The following DNAJC3 variants were observed in gnomAD, a reference collection of about 807,000 sequenced individuals.
DNAJC3 encodes DnaJ heat shock protein family (Hsp40) member C3, also known as dnaJ homolog subfamily C member 3.
A neutral mutation model predicts 68.6 loss-of-function variants in DNAJC3; 38 were observed. The observed-to-expected ratio is 0.55, with a 90% CI of 0.43 to 0.73. The LOEUF (loss-of-function observed/expected upper bound fraction) is 0.73, where lower values mean the gene tolerates loss of function less well. Among genes scored for constraint, DNAJC3 ranks in the 30% least tolerant of loss-of-function variants. The pLI is 0.00. For missense variants in DNAJC3, 526 were observed against 591.9 expected (o/e 0.89, Z 1.16); for synonymous variants, 203 against 204.0 (o/e 1.00, Z 0.04).
At chr13:95,735,814 T>TCAGCAAAAG (rs1461615124) in intron 4 of DNAJC3, among the ~76,000 whole-genome samples, 1 of 152,202 alleles carries the variant, frequency 6.6e-6, no homozygotes, top group African/African-American at 2.4e-5. Context: ...GTGCAGAAGC[T>TCAGCAAAAG]CTTTAGTTTA....
intron 9 of DNAJC3, among the ~76,000 whole-genome samples, chr13:95,782,118 T>A (rs1450809392): frequency 1.3e-5 from 2 of 152,218 alleles, no homozygotes; most frequent in Non-Finnish European, 2.9e-5. Context: ...TCCATGTTCC[T>A]GTGAAGGACT....
Position 95,697,786 on chromosome 13 carries a change from G to GTTT in DNAJC3, c.83-11422_83-11420dup, listed in dbSNP as rs35414850. Among the ~76,000 whole-genome samples, 331 of 112,284 alleles carry GTTT rather than the reference G, an allele frequency of 2.9e-3. 2 individuals carry two copies. Among genetic ancestry groups the GTTT allele is most frequent in the African/African-American group, 0.011 (316 of 28,780 alleles). The allele number at this position is 112,284 out of a possible 152,430, so 73.7% of individuals were successfully genotyped here. ...AATTTAAAAGACCAGCCTTCAAGAA[G>GTTT]TTTTTTTTTTTTTTTTTTTTTAAAG... On this transcript the variant is annotated intron_variant, in intron 1 of 11. Transcript: ENST00000602402.
chr13:95,750,220 A>G (rs150462587), intron 4 of DNAJC3, among the ~76,000 whole-genome samples: 2 of 149,942 alleles, frequency 1.3e-5, no homozygotes, highest in African/African-American at 4.9e-5. Flanking sequence ...CTCTTCAATA[A>G]ATGGCTGCAC....
intron 1 of DNAJC3, among the ~76,000 whole-genome samples, chr13:95,689,325 T>G (rs1446009214): frequency 1.3e-5 from 2 of 151,896 alleles, no homozygotes; most frequent in Admixed American, 6.6e-5. Context: ...GGTTAAATCT[T>G]GGGAGGTTGT....
intron 7 of DNAJC3, among the ~76,000 whole-genome samples, chr13:95,761,689 TA>T (rs1882826050): frequency 6.6e-6 from 1 of 152,184 alleles, no homozygotes; most frequent in Non-Finnish European, 1.5e-5. Context: ...TGGCAACCAC[TA>T]ATCTATTCAC....
At chr13:95,740,130 C>CG (rs1566493359) in intron 4 of DNAJC3, among the ~76,000 whole-genome samples, 1 of 152,160 alleles carries the variant, frequency 6.6e-6, no homozygotes, top group Non-Finnish European at 1.5e-5. Flanking sequence ...GCTCGGGGGT[C>CG]GGGGTCAGGG....
intron 2 of DNAJC3, among the ~76,000 whole-genome samples, chr13:95,711,103 A>T (rs1237577265): frequency 6.6e-6 from 1 of 152,178 alleles, no homozygotes; most frequent in African/African-American, 2.4e-5. Flanking sequence ...ACTTTTCTTT[A>T]TGCTTTTTCT....
intron 1 of DNAJC3, among the ~76,000 whole-genome samples, chr13:95,701,638 A>G (rs1880588384): frequency 6.6e-6 from 1 of 152,204 alleles, no homozygotes; most frequent in African/African-American, 2.4e-5. Flanking sequence ...TGTTTGAGGT[A>G]TACATATGAA....
At chr13:95,739,840 T>C (rs907887713) in intron 4 of DNAJC3, among the ~76,000 whole-genome samples, 1 of 152,228 alleles carries the variant, frequency 6.6e-6, no homozygotes, top group African/African-American at 2.4e-5. Flanking sequence ...TCCAGCTTTG[T>C]TCTGTTGCTG....
intron 1 of DNAJC3, among the ~76,000 whole-genome samples, chr13:95,688,961 T>C (rs766431234): frequency 9.5e-5 from 14 of 147,588 alleles, no homozygotes; most frequent in Non-Finnish European, 1.2e-4. Flanking sequence ...TGTGTGTGTG[T>C]GTGTGCGCGC....
At chr13:95,723,394 G>T in intron 3 of DNAJC3, 28 bp downstream of exon 3, 1 of 1,600,210 alleles carries the variant, frequency 6.2e-7, no homozygotes. Context: ...TTCTTTAAAG[G>T]GGAACTTAAC....
At chr13:95,737,375 G>A (rs530597388) in intron 4 of DNAJC3, among the ~76,000 whole-genome samples, 1,956 of 152,054 alleles carry the variant, frequency 0.013, 50 homozygotes, top group African/African-American at 0.045. Context: ...TCTATTGATT[G>A]GAATAGTTTC....
chr13:95,687,577 A>G (rs999413101), intron 1 of DNAJC3, among the ~76,000 whole-genome samples: 9 of 152,088 alleles, frequency 5.9e-5, no homozygotes, highest in Admixed American at 5.9e-4. Flanking sequence ...CAGTTTATCA[A>G]TTTTGCTCAT....
intron 4 of DNAJC3, among the ~76,000 whole-genome samples, chr13:95,733,882 A>G (rs563541846): frequency 6.6e-6 from 1 of 152,160 alleles, no homozygotes; most frequent in Non-Finnish European, 1.5e-5. Context: ...AGTGCCATAT[A>G]GTTAGATCCA....
intron 2 of DNAJC3, among the ~76,000 whole-genome samples, chr13:95,712,480 G>T (rs373757028): frequency 6.6e-6 from 1 of 151,156 alleles, no homozygotes; most frequent in East Asian, 2.0e-4. Flanking sequence ...AGGTTTAGGC[G>T]ATTCTCCTGC....
At chr13:95,726,119 G>A (rs1369696923) in intron 4 of DNAJC3, among the ~76,000 whole-genome samples, 2 of 151,834 alleles carry the variant, frequency 1.3e-5, no homozygotes, top group Non-Finnish European at 2.9e-5. Context: ...ATTGTGAATA[G>A]TGCCGCAATA....
intron 2 of DNAJC3, among the ~76,000 whole-genome samples, chr13:95,713,489 G>T (rs1328636500): frequency 6.6e-6 from 1 of 152,138 alleles, no homozygotes; most frequent in Non-Finnish European, 1.5e-5. Flanking sequence ...ACTTAAGAAA[G>T]ACTTAAATGA....
chr13:95,730,531 T>G (rs1031955180), intron 4 of DNAJC3, among the ~76,000 whole-genome samples: 2 of 152,178 alleles, frequency 1.3e-5, no homozygotes, highest in African/African-American at 4.8e-5. Flanking sequence ...CATATAGATA[T>G]CCAGTTTTCA....
In DNAJC3 at chr13:95,774,082, T is replaced by A. The variant is rs541953557; in HGVS notation, c.1075+10129T>A. On this transcript the variant is annotated intron_variant, in intron 9 of 11. Transcript: ENST00000602402. Reference sequence around the variant, plus strand: ...AACTTCGGGATTTGTTAATGGTTTCTATGGCTTTTCTTTATTACTTTATTG... The same window carrying A: ...AACTTCGGGATTTGTTAATGGTTTCAATGGCTTTTCTTTATTACTTTATTG... 3.8e-4 allele frequency among the ~76,000 whole-genome samples: 58 copies of A among 152,348 alleles called. 1 individual carries two copies. The highest frequency in any genetic ancestry group is 3.4e-3 in the Middle Eastern group (1 of 294).
Sources: allele counts gnomAD v4.1 joint callset (sites outside exome capture counted in the v4.1 genomes callset), GRCh38; gene constraint gnomAD v4.1.1; transcripts MANE v1.5; gene names NCBI Gene and HGNC (gene_info 2026-07-23, HGNC 2026-07-21).